HOXD3: variants seen among roughly 807,000 people sequenced by gnomAD.
The protein encoded by HOXD3 is homeobox D3, also known as homeobox protein Hox-D3.
A neutral mutation model predicts 32.8 loss-of-function variants in HOXD3; 13 were observed. The observed-to-expected ratio is 0.40, with a 90% CI of 0.26 to 0.63. HOXD3 has a LOEUF of 0.63. Among genes scored for constraint, HOXD3 ranks in the 20% least tolerant of loss-of-function variants. The probability of loss-of-function intolerance (pLI) is 0.44; values close to 1 mark genes in which losing one functional copy is unlikely to be tolerated. For synonymous variants in HOXD3, 241 were observed against 246.8 expected (o/e 0.98, Z 0.22); for missense variants, 504 against 577.1 (o/e 0.87, Z 1.30).
chr2:176,155,332 T>G (rs1003094414), upstream of HOXD3, among the ~76,000 whole-genome samples: 2 of 152,186 alleles, frequency 1.3e-5, no homozygotes, highest in Admixed American at 1.3e-4. Context: ...TCATACCAAA[T>G]GCCACACAGG....
At position 176,169,564 on chromosome 2, in the gene HOXD3, T is replaced by C. The variant is rs768745305; in HGVS notation, c.450T>C (p.Ser150=). Residue 150 remains serine (S), a synonymous_variant, in exon 3 of 4, where the codon TCT becomes TCC. Coordinates refer to ENST00000683222, the MANE Select transcript of HOXD3 (RefSeq NM_006898.5). ...AKKPKGGPNA[S]SSSATISKQI... ...AGCCCAAAGGTGGGCCCAATGCTTC[T>C]AGCTCCTCAGCCACCATCAGCAAGC... 1.9e-6 allele frequency: 3 copies of C among 1,613,964 alleles called. No homozygotes were observed. The highest frequency in any genetic ancestry group is 1.7e-6 in the Non-Finnish European group (2 of 1,179,998).
chr2:176,164,904 C>T (rs1690914515), intron 2 of HOXD3: 1 of 152,264 alleles, frequency 6.6e-6, no homozygotes, highest in African/African-American at 2.4e-5. Flanking sequence ...CCGAGCCGGC[C>T]TCCGCAAGTC....
At chr2:176,158,805 G>T (rs563094948) in intron 1 of HOXD3, among the ~76,000 whole-genome samples, 1 of 150,958 alleles carries the variant, frequency 6.6e-6, no homozygotes, top group Non-Finnish European at 1.5e-5. Flanking sequence ...AATGAGAATC[G>T]TCTCCCCTCC....
At chr2:176,171,301 G>T (rs769294367) in intron 3 of HOXD3, among the ~76,000 whole-genome samples, 2 of 152,182 alleles carry the variant, frequency 1.3e-5, no homozygotes, top group African/African-American at 2.4e-5. Flanking sequence ...GCTGATGGAG[G>T]TTTCAGGTGC....
chr2:176,152,717 G>C, upstream of HOXD3: 1 of 1,614,196 alleles, frequency 6.2e-7, no homozygotes, highest in South Asian at 1.1e-5. The surrounding 1 kb of genome is among the most constrained non-coding windows in gnomAD (Gnocchi z 5.2). Context: ...ATCTGACAAG[G>C]CGCCGTCGGA....
rs1559142240 is a variant in HOXD3 at position 176,171,593 on chromosome 2, G to A, written c.618G>A (p.Leu206=). 6.2e-7 allele frequency: 1 copy of A among 1,614,010 alleles called. No individual in the cohort carries two copies. The highest frequency in any genetic ancestry group is 1.7e-4 in the Middle Eastern group (1 of 6,058). Residue 206 remains leucine (L), a synonymous_variant, in exon 4 of 4, where the codon CTG becomes CTA. Coordinates refer to ENST00000683222, the MANE Select transcript of HOXD3 (RefSeq NM_006898.5). ...RVRTAYTSAQ[L]VELEKEFHFN... The stretch of plus-strand genomic sequence containing the variant: ...GCACGGCATACACGAGCGCGCAGCT[G>A]GTGGAATTGGAAAAGGAATTCCACT...
chr2:176,172,071 A>T lies in HOXD3; in HGVS notation c.1096A>T (p.Met366Leu), dbSNP rs1691213370. 1.2e-6 allele frequency: 2 copies of T among 1,610,758 alleles called. No individual in the cohort carries two copies. Among genetic ancestry groups the T allele is most frequent in the Non-Finnish European group, 1.7e-6 (2 of 1,179,498 alleles). ...CGTGGGCGGCAACTTCGTCGAGTCCATGGCGCCCGCGTCCGGGCCTGTCTT... is the reference window on the plus strand; with the variant it reads ...CGTGGGCGGCAACTTCGTCGAGTCCTTGGCGCCCGCGTCCGGGCCTGTCTT... Reference protein sequence around the residue: ...VYVGGNFVESMAPASGPVFNL... With the variant: ...VYVGGNFVESLAPASGPVFNL... Residue 366 changes from methionine (M) to leucine (L), a missense_variant, in exon 4 of 4, where the codon ATG (methionine) becomes TTG (leucine). Transcript: ENST00000683222.
upstream of HOXD3, chr2:176,153,104 A>T: frequency 2.6e-6 from 1 of 388,776 alleles, no homozygotes; most frequent in Non-Finnish European, 5.0e-6. Context: ...GCCCGAGGGC[A>T]GCCCCCTCCC....
At chr2:176,153,056 G>C, upstream of HOXD3, 1 of 1,042,278 alleles carries the variant, frequency 9.6e-7, no homozygotes, top group Non-Finnish European at 1.5e-6. Flanking sequence ...GGGTGGACCT[G>C]GGACAAGCAG....
At chr2:176,160,649 G>A (rs534826446) in intron 1 of HOXD3, among the ~76,000 whole-genome samples, 1,620 of 152,322 alleles carry the variant, frequency 0.011, 65 homozygotes, top group South Asian at 0.095. Context: ...TGTATTTCCC[G>A]ACTATGAGGG....
chr2:176,153,356 G>T (rs1285781724), upstream of HOXD3: 2 of 204,012 alleles, frequency 9.8e-6, no homozygotes, highest in Non-Finnish European at 2.0e-5. Context: ...TGAGGCAGAA[G>T]GTTGGCCACC....
chr2:176,154,890 A>C (rs1690613334), upstream of HOXD3, among the ~76,000 whole-genome samples: 6 of 152,260 alleles, frequency 3.9e-5, 1 homozygote, highest in Admixed American at 1.3e-4. Flanking sequence ...GTTCATACAT[A>C]GTCAAGACGT....
At chr2:176,163,511 A>C (rs1690872595) in intron 1 of HOXD3, among the ~76,000 whole-genome samples, 1 of 152,260 alleles carries the variant, frequency 6.6e-6, no homozygotes, top group South Asian at 2.1e-4. Flanking sequence ...GGAATGAATA[A>C]ACTCAGGGAA....
rs1202475687 is a variant in HOXD3, at chr2:176,172,121, G to C, written c.1146G>C (p.Pro382=). Residue 382 remains proline, a synonymous_variant, in exon 4 of 4, where the codon CCG becomes CCC. Transcript: ENST00000683222. The stretch of plus-strand genomic sequence containing the variant: ...TCAACCTGGGCCACCTCTCGCACCC[G>C]TCGTCGGCCAGCGTGGACTACAGTT... ...PVFNLGHLSH[P]SSASVDYSCA... 1 of 1,613,016 alleles carries C rather than the reference G, an allele frequency of 6.2e-7. No individual in the cohort carries two copies. Among genetic ancestry groups the C allele is most frequent in the South Asian group, 1.1e-5 (1 of 91,074 alleles).
intron 3 of HOXD3, among the ~76,000 whole-genome samples, chr2:176,170,061 A>G (rs1358484241): frequency 6.6e-6 from 1 of 152,212 alleles, no homozygotes; most frequent in South Asian, 2.1e-4. Context: ...ACTCATAAAA[A>G]CTAAAGTCTT....
upstream of HOXD3, among the ~76,000 whole-genome samples, chr2:176,154,128 C>A (rs1052594450): frequency 2.0e-5 from 3 of 151,576 alleles, no homozygotes; most frequent in Non-Finnish European, 4.4e-5. Context: ...TTTTTTCCCC[C>A]TGAAGTTTTA....
intron 2 of HOXD3, among the ~76,000 whole-genome samples, chr2:176,168,261 CAAA>C (rs34436368): frequency 1.9e-5 from 2 of 103,366 alleles, no homozygotes; most frequent in African/African-American, 7.5e-5. Context: ...CCTGTCTCTA[CAAA>C]AAAAAAAAAA....
upstream of HOXD3, among the ~76,000 whole-genome samples, chr2:176,154,471 T>G (rs530711857): frequency 1.9e-4 from 29 of 152,032 alleles, no homozygotes; most frequent in African/African-American, 7.0e-4. Context: ...GTGACCAAAG[T>G]GGGAAAGGGA....
chr2:176,168,788 C>T (rs1691075048), intron 2 of HOXD3, among the ~76,000 whole-genome samples: 1 of 151,784 alleles, frequency 6.6e-6, no homozygotes, highest in South Asian at 2.1e-4. Flanking sequence ...GTGGGAGGAT[C>T]GCTTGAGCCC....
Sources: allele counts gnomAD v4.1 joint callset (sites outside exome capture counted in the v4.1 genomes callset), GRCh38; gene constraint gnomAD v4.1.1; non-coding constraint Gnocchi (gnomAD v3.1); transcripts MANE v1.5; gene names NCBI Gene and HGNC (gene_info 2026-07-23, HGNC 2026-07-21).